SGCD: variants seen among roughly 807,000 people sequenced by gnomAD.
The protein encoded by SGCD is delta-sarcoglycan.
SGCD carries 18 observed loss-of-function variants against 36.6 expected under a neutral mutation model. That is an observed-to-expected ratio of 0.49 (90% CI 0.34 to 0.73). The LOEUF (loss-of-function observed/expected upper bound fraction) is 0.73, where lower values mean the gene tolerates loss of function less well. SGCD is among the 30% of genes least tolerant of loss of function. The pLI, the probability that SGCD is intolerant of heterozygous loss-of-function variation, is 0.01. For missense variants in SGCD, 387 were observed against 346.7 expected (o/e 1.12, Z -0.92); for synonymous variants, 133 against 130.6 (o/e 1.02, Z -0.12).
rs550030832 is a variant in SGCD at position 156,517,241 on chromosome 5, A to C, written c.294+8539A>C. Among the ~76,000 whole-genome samples, 7 of 152,322 alleles carry C rather than the reference A, an allele frequency of 4.6e-5. No individual in the cohort carries two copies. In the South Asian group the frequency reaches 1.2e-3, roughly 27 times the overall value. On this transcript the variant is annotated intron_variant, in intron 4 of 8. Transcript: ENST00000337851. ...TAGACTAAGTGGAGGAAAGAATCTCAGAGCCTGAAGACTATCTTACTGAAA... is the reference window on the plus strand; with the variant it reads ...TAGACTAAGTGGAGGAAAGAATCTCCGAGCCTGAAGACTATCTTACTGAAA...
intron 1 of SGCD, among the ~76,000 whole-genome samples, chr5:156,108,899 G>A (rs185407681): frequency 7.2e-5 from 11 of 152,266 alleles, no homozygotes. Flanking sequence ...AGAGTCCATA[G>A]AGTAAGGGAG....
intron 1 of SGCD, among the ~76,000 whole-genome samples, chr5:155,906,233 C>A (rs941043441): frequency 6.6e-6 from 1 of 152,064 alleles, no homozygotes. Context: ...CTGACTGCTC[C>A]ACCTGCAGGC....
At chr5:156,442,914 A>G (rs1753559101) in intron 3 of SGCD, among the ~76,000 whole-genome samples, 1 of 152,122 alleles carries the variant, frequency 6.6e-6, no homozygotes. Flanking sequence ...TTGGAAGGAA[A>G]CCGTAGCTGT....
At chr5:156,044,991 C>A (rs73812922) in intron 1 of SGCD, among the ~76,000 whole-genome samples, 1 of 151,996 alleles carries the variant, frequency 6.6e-6, no homozygotes, top group Non-Finnish European at 1.5e-5. Context: ...CTGAGAAGTC[C>A]AAGGGCATGG....
the SGCD span, among the ~76,000 whole-genome samples, chr5:155,781,157 G>C: frequency 6.6e-6 from 1 of 152,178 alleles, no homozygotes; most frequent in Non-Finnish European, 1.5e-5. Flanking sequence ...TTTCCTAAAA[G>C]TCAAGAAGCA....
chr5:155,964,922 T>G (rs1757873359), intron 1 of SGCD, among the ~76,000 whole-genome samples: 1 of 152,088 alleles, frequency 6.6e-6, no homozygotes, highest in Non-Finnish European at 1.5e-5. Flanking sequence ...TGAATGCCAA[T>G]GTAGATTTAG....
At chr5:156,456,591 G>T (rs566658719) in intron 3 of SGCD, among the ~76,000 whole-genome samples, 1 of 152,158 alleles carries the variant, frequency 6.6e-6, no homozygotes, top group Non-Finnish European at 1.5e-5. Context: ...ATAGCAAAGT[G>T]CAAAAGAACA....
At chr5:156,269,730 T>C (rs969835885) in intron 3 of SGCD, among the ~76,000 whole-genome samples, 3 of 152,172 alleles carry the variant, frequency 2.0e-5, no homozygotes, top group African/African-American at 4.8e-5. Context: ...TTTTCTCTTG[T>C]AAATTTGTTT....
At chr5:156,052,893 ACT>A (rs1458625110) in intron 1 of SGCD, among the ~76,000 whole-genome samples, 5 of 145,942 alleles carry the variant, frequency 3.4e-5, no homozygotes, top group African/African-American at 1.2e-4. Flanking sequence ...TTGCCCAGAG[ACT>A]CAATTGGGGC....
At chr5:156,610,983 C>A (rs369524424) in intron 6 of SGCD, among the ~76,000 whole-genome samples, 1 of 152,246 alleles carries the variant, frequency 6.6e-6, no homozygotes, top group South Asian at 2.1e-4. Context: ...TGACCCCTTG[C>A]GCTTCCCAGG....
At chr5:156,588,953 C>A (rs149556388) in intron 4 of SGCD, among the ~76,000 whole-genome samples, 66 of 148,918 alleles carry the variant, frequency 4.4e-4, no homozygotes, top group African/African-American at 1.5e-3. Flanking sequence ...CTGATTCAAC[C>A]ATAATAATGT....
chr5:156,350,056 G>A (rs1363585005), intron 3 of SGCD, among the ~76,000 whole-genome samples: 1 of 151,256 alleles, frequency 6.6e-6, no homozygotes, highest in African/African-American at 2.4e-5. Context: ...CATATAGAGT[G>A]GTATAATGGA....
intron 1 of SGCD, among the ~76,000 whole-genome samples, chr5:155,951,471 C>T (rs776308814): frequency 6.6e-6 from 1 of 152,094 alleles, no homozygotes; most frequent in Admixed American, 6.6e-5. Context: ...TAAAAAACTA[C>T]CCTGTGATGC....
chr5:156,450,309 A>G (rs111795556), intron 3 of SGCD, among the ~76,000 whole-genome samples: 2 of 152,058 alleles, frequency 1.3e-5, no homozygotes, highest in African/African-American at 4.8e-5. Context: ...CAGAGCTAGG[A>G]AACAAAAATG....
At chr5:156,675,148 G>A (rs1355061783) in intron 7 of SGCD, among the ~76,000 whole-genome samples, 1 of 152,102 alleles carries the variant, frequency 6.6e-6, no homozygotes, top group Non-Finnish European at 1.5e-5. Context: ...TGTGACTCTG[G>A]CAAAATTTAA....
In SGCD at chr5:156,329,544, G is replaced by A; in HGVS notation, c.-33G>A. 1 of 1,612,330 alleles carries A rather than the reference G, an allele frequency of 6.2e-7. No homozygotes were observed. The highest frequency in any genetic ancestry group is 8.5e-7 in the Non-Finnish European group (1 of 1,178,556). On this transcript the variant is annotated 5_prime_UTR_variant, in exon 2 of 9. Coordinates refer to ENST00000337851, the MANE Select transcript of SGCD (RefSeq NM_000337.6). ...ATTTGTTCCTTGCAGAGACATTACT[G>A]CCGGGAGTGTTGAGTGAAGGGACCA...
chr5:156,723,506 T>C (rs963239661), intron 7 of SGCD, among the ~76,000 whole-genome samples: 1 of 152,240 alleles, frequency 6.6e-6, no homozygotes, highest in African/African-American at 2.4e-5. Context: ...GGAGAATAAA[T>C]GAATCCAGCA....
intron 3 of SGCD, chr5:156,458,504 T>C: frequency 6.3e-7 from 1 of 1,591,064 alleles, no homozygotes. Flanking sequence ...AGGGCTTCGT[T>C]AACCTACAAC....
chr5:156,457,250 T>C (rs1754302384), intron 3 of SGCD, among the ~76,000 whole-genome samples: 1 of 152,200 alleles, frequency 6.6e-6, no homozygotes, highest in African/African-American at 2.4e-5. Flanking sequence ...AAAACTTGCT[T>C]TCATTCTTCA....
Sources: allele counts gnomAD v4.1 joint callset (sites outside exome capture counted in the v4.1 genomes callset), GRCh38; gene constraint gnomAD v4.1.1; transcripts MANE v1.5; gene names NCBI Gene and HGNC (gene_info 2026-07-23, HGNC 2026-07-21).